Variants in ADORA1 observed in about 807,000 individuals in gnomAD.
ADORA1 encodes adenosine A1 receptor, also known as adenosine receptor A1.
ADORA1 carries 6 observed loss-of-function variants against 19.9 expected under a neutral mutation model. The observed-to-expected ratio is 0.30, with a 90% CI of 0.17 to 0.59. ADORA1 has a LOEUF of 0.59. Ranked by LOEUF, ADORA1 falls within the 20% of genes least tolerant of loss-of-function variation. The pLI is 0.87. For missense variants in ADORA1, 302 were observed against 439.2 expected, an observed-to-expected ratio of 0.69 and a Z score of 2.79; for synonymous variants, 194 against 188.4, an observed-to-expected ratio of 1.03 and a Z score of -0.24.
intron 3 of ADORA1, among the ~76,000 whole-genome samples, chr1:203,135,657 C>A (rs1209731136): frequency 7.6e-5 from 10 of 131,886 alleles, no homozygotes; most frequent in East Asian, 4.3e-4. Flanking sequence ...GACTTTGTCT[C>A]AAAAAAAAAA....
chr1:203,165,112 C>T lies in ADORA1; in HGVS notation c.342-149C>T, dbSNP rs750659974. ...TCTTAGATCCTGAAGACTCAGCCCT[C>T]GAGCAAAAGACATGCACCTCCCCAC... On this transcript the variant is annotated intron_variant, in intron 3 of 3. Transcript: ENST00000337894. This position sits in a 1 kb window ranked among gnomAD's most constrained non-coding sequence, Gnocchi z 5.9. 179 of 1,552,268 alleles carry T rather than the reference C, an allele frequency of 1.2e-4. No homozygotes were observed. The highest frequency in any genetic ancestry group is 1.5e-4 in the Non-Finnish European group (169 of 1,147,816).
chr1:203,158,814 C>T (rs1038343636), intron 3 of ADORA1, among the ~76,000 whole-genome samples: 1 of 152,124 alleles, frequency 6.6e-6, no homozygotes, highest in Non-Finnish European at 1.5e-5. Context: ...TTTTCTGGCT[C>T]ATCCTATGGC....
intron 3 of ADORA1, among the ~76,000 whole-genome samples, chr1:203,137,267 A>C (rs1425427293): frequency 6.6e-6 from 1 of 152,192 alleles, no homozygotes. Context: ...CTAGCATAGG[A>C]ATGTACCTGA....
chr1:203,160,852 T>C (rs1313997796), intron 3 of ADORA1, among the ~76,000 whole-genome samples: 1 of 152,170 alleles, frequency 6.6e-6, no homozygotes, highest in African/African-American at 2.4e-5. Context: ...CACATAGAAA[T>C]AAATGTTAGC....
intron 3 of ADORA1, among the ~76,000 whole-genome samples, chr1:203,159,033 AC>A (rs1391480287): frequency 2.0e-5 from 3 of 152,224 alleles, no homozygotes; most frequent in Non-Finnish European, 4.4e-5. Context: ...TAAGTTTCCA[AC>A]ACATGAGCTT....
intron 3 of ADORA1, among the ~76,000 whole-genome samples, chr1:203,135,412 A>G (rs1000076697): frequency 5.3e-5 from 8 of 152,188 alleles, no homozygotes; most frequent in African/African-American, 1.7e-4. Flanking sequence ...TAATCCCAAC[A>G]CTTTGGGAGC....
chr1:203,135,168 T>A (rs972381963), intron 3 of ADORA1, among the ~76,000 whole-genome samples: 2 of 152,186 alleles, frequency 1.3e-5, no homozygotes, highest in African/African-American at 4.8e-5. Context: ...ACACATCTGC[T>A]TACATACCCC....
intron 3 of ADORA1, among the ~76,000 whole-genome samples, chr1:203,141,173 T>C (rs1654673251): frequency 6.6e-6 from 1 of 152,252 alleles, no homozygotes; most frequent in South Asian, 2.1e-4. Flanking sequence ...GCCCCAGGGC[T>C]GGCATGGGGG....
rs1553268499 is a variant in ADORA1, at chr1:203,151,788, G to GAATT, written c.342-13473_342-13472insAATT. 2.6e-3 allele frequency among the ~76,000 whole-genome samples: 387 copies of GAATT among 151,326 alleles called. 5 individuals are homozygous for GAATT. The highest frequency in any genetic ancestry group is 9.0e-3 in the African/African-American group (372 of 41,204). On this transcript the variant is annotated intron_variant, in intron 3 of 3. Transcript: ENST00000337894. The stretch of plus-strand genomic sequence containing the variant: ...CCCACAGCACACTTCATGCATGCAT[G>GAATT]CATTCATTCATTCATTCATTCATTC...
chr1:203,162,487 C>T (rs1022181942), intron 3 of ADORA1, among the ~76,000 whole-genome samples: 1 of 152,136 alleles, frequency 6.6e-6, no homozygotes, highest in African/African-American at 2.4e-5. Flanking sequence ...TCATCACTGC[C>T]CTGATGTCAG....
rs143432846 is a variant in ADORA1 at position 203,136,715 on chromosome 1, ACACT to A, written c.341+7539_341+7542del. Reference sequence around the variant, plus strand: ...GGGCTGGGCAGCTGGATCCCACTCCACACTCACTCCATGCAGCTCAGGTTGTGTA... The same window carrying A: ...GGGCTGGGCAGCTGGATCCCACTCCACACTCCATGCAGCTCAGGTTGTGTA... On this transcript the variant is annotated intron_variant, in intron 3 of 3. Coordinates refer to ENST00000337894, the MANE Select transcript of ADORA1 (RefSeq NM_000674.3). 7.6e-4 allele frequency among the ~76,000 whole-genome samples: 116 copies of A among 152,250 alleles called. 1 individual carries two copies. In the East Asian group the frequency reaches 0.015, roughly 20 times the overall value.
chr1:203,130,798 C>T (rs183588041), intron 3 of ADORA1, among the ~76,000 whole-genome samples: 4 of 152,340 alleles, frequency 2.6e-5, no homozygotes, highest in Non-Finnish European at 4.4e-5. Flanking sequence ...CCTACTTGCC[C>T]TGTGGGGCTG....
At chr1:203,146,425 T>G (rs1415617041) in intron 3 of ADORA1, among the ~76,000 whole-genome samples, 1 of 151,900 alleles carries the variant, frequency 6.6e-6, no homozygotes. Flanking sequence ...ACCCAGGAGT[T>G]TGAGACCACT....
intron 3 of ADORA1, among the ~76,000 whole-genome samples, chr1:203,138,604 A>G (rs1324845185): frequency 2.0e-5 from 3 of 152,172 alleles, no homozygotes; most frequent in African/African-American, 7.2e-5. Flanking sequence ...TTACCAGCGG[A>G]TTTTGCAAGG....
At chr1:203,137,361 GC>G (rs750697247) in intron 3 of ADORA1, among the ~76,000 whole-genome samples, 3 of 152,162 alleles carry the variant, frequency 2.0e-5, no homozygotes, top group Non-Finnish European at 4.4e-5. Flanking sequence ...TGGGTCACTG[GC>G]CCAGGTACAG....
At chr1:203,142,964 A>G (rs932068251) in intron 3 of ADORA1, among the ~76,000 whole-genome samples, 1 of 152,022 alleles carries the variant, frequency 6.6e-6, no homozygotes, top group Non-Finnish European at 1.5e-5. Context: ...CCCACTCACC[A>G]TTACGGTCCC....
Position 203,164,802 on chromosome 1 carries a change from T to TG in ADORA1, c.342-458dup, listed in dbSNP as rs1396509549. Reference sequence around the variant, plus strand: ...CACGGAACAGCACTGCCACCTTCCATGTGGCCTTGGGCAGATCCTGTGATT... The same window carrying TG: ...CACGGAACAGCACTGCCACCTTCCATGGTGGCCTTGGGCAGATCCTGTGATT... On this transcript the variant is annotated intron_variant, in intron 3 of 3. Coordinates refer to ENST00000337894, the MANE Select transcript of ADORA1 (RefSeq NM_000674.3). Among the ~76,000 whole-genome samples the TG allele has an allele frequency of 3.9e-5, 6 of 152,230 alleles. No individual in the cohort carries two copies. The East Asian group carries it at 1.2e-3, about 29-fold the overall frequency.
intron 3 of ADORA1, chr1:203,164,948 C>T: frequency 1.6e-6 from 2 of 1,276,616 alleles, no homozygotes; most frequent in Non-Finnish European, 2.2e-6. Context: ...ATGCTGAGCA[C>T]ATGGGAGCAA....
chr1:203,139,784 C>T (rs1246594640), intron 3 of ADORA1, among the ~76,000 whole-genome samples: 2 of 152,186 alleles, frequency 1.3e-5, no homozygotes, highest in Non-Finnish European at 2.9e-5. Context: ...GTGGCTTTGA[C>T]TGCAATTTGT....
Sources: allele counts gnomAD v4.1 joint callset (sites outside exome capture counted in the v4.1 genomes callset), GRCh38; gene constraint gnomAD v4.1.1; non-coding constraint Gnocchi (gnomAD v3.1); transcripts MANE v1.5; gene names NCBI Gene and HGNC (gene_info 2026-07-23, HGNC 2026-07-21).